Variants in M6PR observed in about 807,000 individuals in gnomAD.
The protein encoded by M6PR is mannose-6-phosphate receptor, cation dependent, also known as cation-dependent mannose-6-phosphate receptor.
In M6PR, 19 loss-of-function variants were observed where a neutral mutation model predicts 33.1. The ratio of observed to expected loss-of-function variants is 0.57; its 90% CI spans 0.40 to 0.84. The LOEUF (loss-of-function observed/expected upper bound fraction) is 0.84, where lower values mean the gene tolerates loss of function less well. Among genes scored for constraint, M6PR ranks in the 40% least tolerant of loss-of-function variants. The pLI, the probability that M6PR is intolerant of heterozygous loss-of-function variation, is 0.00. For missense variants in M6PR, 295 were observed against 336.0 expected, an observed-to-expected ratio of 0.88 and a Z score of 0.95; for synonymous variants, 111 against 123.4, an observed-to-expected ratio of 0.90 and a Z score of 0.67.
chr12:8,943,768 C>T (rs1382631165), intron 4 of M6PR, 33 bp downstream of exon 4: 1 of 1,575,606 alleles, frequency 6.3e-7, no homozygotes, highest in Admixed American at 1.7e-5. Flanking sequence ...TTTCAGTCTC[C>T]TCCCTCGGCT....
At chr12:8,941,970 T>C (rs1201442780) in intron 6 of M6PR, 30 bp from the exon 7 acceptor site, 2 of 1,613,012 alleles carry the variant, frequency 1.2e-6, no homozygotes, top group Admixed American at 3.3e-5. Flanking sequence ...AAGGAAATAA[T>C]TCGCAGCATC....
chr12:8,943,183 C>G lies in M6PR; in HGVS notation c.584+222G>C, dbSNP rs1946048225. On this transcript the variant is annotated intron_variant, in intron 5 of 6. Coordinates refer to ENST00000000412, the MANE Select transcript of M6PR (RefSeq NM_002355.4). ...GTCAGGTTGGTCTCAAACTCCTGACCTTAGGTGATCCATCTGCCTTGGCTT... is the reference window on the plus strand; with the variant it reads ...GTCAGGTTGGTCTCAAACTCCTGACGTTAGGTGATCCATCTGCCTTGGCTT... The G allele has an allele frequency of 8.0e-6, 4 of 501,234 alleles. 1 individual carries two copies. Among genetic ancestry groups the G allele is most frequent in the Non-Finnish European group, 1.1e-5 (3 of 283,152 alleles). 31.0% of individuals were successfully genotyped at this position (501,234 alleles called of 1,614,324 possible).
intron 3 of M6PR, among the ~76,000 whole-genome samples, chr12:8,944,231 A>G (rs929026002): frequency 6.6e-6 from 1 of 152,212 alleles, no homozygotes; most frequent in Non-Finnish European, 1.5e-5. Flanking sequence ...TCTAAAAGCA[A>G]AAAAAGAGGT....
chr12:8,949,360 T>C lies in M6PR; in HGVS notation c.-2+128A>G, dbSNP rs1288180350. 1 of 152,110 alleles carries C rather than the reference T, an allele frequency of 6.6e-6. No homozygotes were observed. The allele number at this position is 152,110 out of a possible 1,614,324, so 9.4% of individuals were successfully genotyped here. A position where few individuals can be genotyped will look rare whatever the true frequency, so the allele number is the denominator to read the frequency against. ...CATGCCTCCGCCTCCATTCTACCCTTAGGGCTCCTCAGCCAGATCTTTGGC... is the reference window on the plus strand; with the variant it reads ...CATGCCTCCGCCTCCATTCTACCCTCAGGGCTCCTCAGCCAGATCTTTGGC... On this transcript the variant is annotated intron_variant, in intron 1 of 6. Coordinates refer to ENST00000000412, the MANE Select transcript of M6PR (RefSeq NM_002355.4). The surrounding 1 kb of genome is among the most constrained non-coding windows in gnomAD (Gnocchi z 5.6).
At chr12:8,944,408 T>A (rs774765948) in intron 3 of M6PR, among the ~76,000 whole-genome samples, 1 of 152,270 alleles carries the variant, frequency 6.6e-6, no homozygotes, top group South Asian at 2.1e-4. Flanking sequence ...GTGAGGTGAA[T>A]AAGGTAAAGA....
Position 8,943,919 on chromosome 12 carries a change from G to A in M6PR, c.344-9C>T. On this transcript the variant is annotated splice_polypyrimidine_tract_variant and intron_variant, in intron 3 of 6. Coordinates refer to ENST00000000412, the MANE Select transcript of M6PR (RefSeq NM_002355.4). The stretch of plus-strand genomic sequence containing the variant: ...CAGCATGATCCAATTACCTGAGGAG[G>A]GACAAGGAAAATGGAGCTATGGGGT... The A allele has an allele frequency of 1.0e-5, 16 of 1,588,680 alleles. No individual in the cohort carries two copies. The highest frequency in any genetic ancestry group is 1.2e-5 in the Non-Finnish European group (14 of 1,157,214).
chr12:8,945,153 G>C (rs1946076254), intron 3 of M6PR: 1 of 325,672 alleles, frequency 3.1e-6, no homozygotes, highest in Non-Finnish European at 5.7e-6. Context: ...GAGAGACTCC[G>C]TCTCAAAACA....
At chr12:8,947,833 T>G (rs1295718684) in intron 1 of M6PR, among the ~76,000 whole-genome samples, 2 of 126,388 alleles carry the variant, frequency 1.6e-5, no homozygotes, top group African/African-American at 2.9e-5. Context: ...GCCAAAACTG[T>G]GGGTTTTTTT....
At chr12:8,943,942 G>A (rs1297398629) in intron 3 of M6PR, 32 bp from the exon 4 acceptor site, 1 of 1,463,446 alleles carries the variant, frequency 6.8e-7, no homozygotes, top group Admixed American at 1.7e-5. Context: ...GGAGCTATGG[G>A]GTGGGGGAAA....
chr12:8,946,237 A>T lies in M6PR; in HGVS notation c.168T>A (p.Phe56Leu). ...LALVKRLKPL[F>L]NKSFESTVGQ... ...AGGTTCTTCTCATTTACCTTTTATT[A>T]AACAGTGGTTTCAGCCTCTTCACTA... Residue 56 changes from phenylalanine to leucine, a missense_variant, in exon 2 of 7, where the codon TTT (phenylalanine) becomes TTA (leucine). By Grantham distance (22) the Phe-to-Leu change is conservative. Transcript: ENST00000000412. 7 of 1,613,718 alleles carry T rather than the reference A, an allele frequency of 4.3e-6. No individual in the cohort carries two copies. The highest frequency in any genetic ancestry group is 5.9e-6 in the Non-Finnish European group (7 of 1,179,764).
rs1946080545 is a variant in M6PR at position 8,945,456 on chromosome 12, A to G, written c.305T>C (p.Val102Ala). The change falls in exon 3 of 7, where the codon GTG becomes GCG. Residue 102 changes from valine to alanine, a missense_variant. Physicochemically the swap from Val to Ala is moderately conservative, Grantham distance 64 (BLOSUM62 0). Coordinates refer to ENST00000000412, the MANE Select transcript of M6PR (RefSeq NM_002355.4). ...QINKSNGKET[V>A]VGRLNETHIF... The stretch of plus-strand genomic sequence containing the variant: ...GTGAGTCTCGTTGAGTCTCCCTACC[A>G]CTGTCTCCTTCCCATTACTTTTGTT... The G allele has an allele frequency of 1.2e-6, 2 of 1,614,068 alleles. No individual in the cohort carries two copies. Among genetic ancestry groups the G allele is most frequent in the Middle Eastern group, 1.7e-4 (1 of 6,052 alleles).
intron 3 of M6PR, among the ~76,000 whole-genome samples, chr12:8,944,688 C>A (rs891651557): frequency 6.6e-6 from 1 of 152,104 alleles, no homozygotes; most frequent in Non-Finnish European, 1.5e-5. Context: ...GCACAAAAAT[C>A]AGTGGGTAAA....
rs1432585508 is a variant in M6PR at position 8,946,420 on chromosome 12, G to T, written c.-1-15C>A. Reference sequence around the variant, plus strand: ...AAGGGAACATCCTTTGGGAGAGAGTGTGTGTTGGGGAGGGCAGGTAGGATC... The same window carrying T: ...AAGGGAACATCCTTTGGGAGAGAGTTTGTGTTGGGGAGGGCAGGTAGGATC... On this transcript the variant is annotated splice_polypyrimidine_tract_variant and intron_variant, in intron 1 of 6. Coordinates refer to ENST00000000412, the MANE Select transcript of M6PR (RefSeq NM_002355.4). 1 of 1,611,850 alleles carries T rather than the reference G, an allele frequency of 6.2e-7. No homozygotes were observed.
chr12:8,945,652 C>A, intron 2 of M6PR, 68 bp from the exon 3 acceptor site: 1 of 1,313,994 alleles, frequency 7.6e-7, no homozygotes, highest in Non-Finnish European at 1.1e-6. Context: ...TAACAGCATC[C>A]CTTTCCTTAA....
Position 8,945,554 on chromosome 12 carries a change from G to A in M6PR, c.207C>T (p.Asp69=), listed in dbSNP as rs1258514703. ...SFESTVGQGS[D]TYIYIFRVCR... ...ACACCCTGAAGATGTAGATGTATGT[G>A]TCTGAACCCTGGCCCACAGTGCTCT... The change falls in exon 3 of 7, where the codon GAC becomes GAT. Residue 69 remains aspartate (D), a synonymous_variant. Coordinates refer to ENST00000000412, the MANE Select transcript of M6PR (RefSeq NM_002355.4). The A allele has an allele frequency of 2.5e-6, 4 of 1,614,126 alleles. No individual in the cohort carries two copies. Among genetic ancestry groups the A allele is most frequent in the Admixed American group, 1.7e-5 (1 of 60,016 alleles).
At chr12:8,943,676 G>T in intron 4 of M6PR, 125 bp downstream of exon 4, 4 of 1,329,904 alleles carry the variant, frequency 3.0e-6, no homozygotes, top group Admixed American at 3.4e-5. Context: ...GACACAGAGA[G>T]AAACTGAGCT....
chr12:8,941,589 A>G lies in M6PR; in HGVS notation c.*229T>C. ...AAAAGCCTCTGTTTTCACAGGCCCT[A>G]TTATATTAACTCTGACTTACAACTG... is the stretch of plus-strand genomic sequence containing the variant. On this transcript the variant is annotated 3_prime_UTR_variant, in exon 7 of 7. Transcript: ENST00000000412. 4.1e-6 allele frequency: 2 copies of G among 485,010 alleles called. No individual in the cohort carries two copies. Among genetic ancestry groups the G allele is most frequent in the African/African-American group, 3.9e-5 (2 of 51,884 alleles). 30.0% of individuals were successfully genotyped at this position (485,010 alleles called of 1,614,324 possible).
intron 5 of M6PR, 35 bp downstream of exon 5, chr12:8,943,369 AG>A (rs765102685): frequency 3.1e-6 from 5 of 1,612,536 alleles, no homozygotes; most frequent in South Asian, 2.2e-5. Flanking sequence ...AACAAAAGGA[AG>A]GAAGGTCTGT....
In M6PR at chr12:8,946,391, T is replaced by C; in HGVS notation, c.14A>G (p.Tyr5Cys). Residue 5 changes from tyrosine (Y) to cysteine (C), a missense_variant, in exon 2 of 7, where the codon TAC becomes TGC. Transcript: ENST00000000412. MFPF[Y>C]SCWRTGLLLL... is the part of the protein sequence containing the mutation. Reference sequence around the variant, plus strand: ...TAGCAGTCCAGTCCTCCAGCAGCTGTAGAAAGGGAACATCCTTTGGGAGAG... The same window carrying C: ...TAGCAGTCCAGTCCTCCAGCAGCTGCAGAAAGGGAACATCCTTTGGGAGAG... 1.2e-6 allele frequency: 2 copies of C among 1,612,056 alleles called. No homozygotes were observed. The highest frequency in any genetic ancestry group is 2.3e-5 in the East Asian group (1 of 44,352).
Sources: allele counts gnomAD v4.1 joint callset (sites outside exome capture counted in the v4.1 genomes callset), GRCh38; gene constraint gnomAD v4.1.1; non-coding constraint Gnocchi (gnomAD v3.1); transcripts MANE v1.5; gene names NCBI Gene and HGNC (gene_info 2026-07-23, HGNC 2026-07-21).